The following VAV1 variants were observed in gnomAD, a reference collection of about 807,000 sequenced individuals.
VAV1 encodes the protein proto-oncogene vav.
Under a neutral mutation model 128.1 loss-of-function variants are expected in VAV1, and 33 were observed. The observed-to-expected ratio is 0.26, with a 90% CI of 0.20 to 0.34. VAV1 has a LOEUF of 0.34. VAV1 is among the 10% of genes least tolerant of loss of function. VAV1 has a pLI of 1.00. For missense variants in VAV1, 715 were observed against 1,093.7 expected, an observed-to-expected ratio of 0.65 and a Z score of 4.88; for synonymous variants, 394 against 409.8, an observed-to-expected ratio of 0.96 and a Z score of 0.47.
chr19:6,776,044 T>A (rs1254133900), intron 1 of VAV1, among the ~76,000 whole-genome samples: 1 of 149,876 alleles, frequency 6.7e-6, no homozygotes, highest in Non-Finnish European at 1.5e-5. Context: ...ATCCCTCCAA[T>A]TATCCATCCA....
At chr19:6,810,272 A>C (rs1466376569) in intron 1 of VAV1, among the ~76,000 whole-genome samples, 1 of 151,598 alleles carries the variant, frequency 6.6e-6, no homozygotes. Flanking sequence ...GCCCAATTTC[A>C]AGGCTGCAGA....
intron 1 of VAV1, among the ~76,000 whole-genome samples, chr19:6,790,774 A>G (rs755905909): frequency 1.3e-5 from 2 of 152,220 alleles, no homozygotes; most frequent in African/African-American, 2.4e-5. Context: ...TTTTAATTAT[A>G]TGCAAATCAA....
chr19:6,839,680 A>G (rs1397771329), intron 21 of VAV1, among the ~76,000 whole-genome samples: 1 of 152,170 alleles, frequency 6.6e-6, no homozygotes, highest in Non-Finnish European at 1.5e-5. Flanking sequence ...TATATAGAAC[A>G]TAAAAGTTAA....
At chr19:6,774,249 TCCCGAGTAGCTGGGACTACAGGCG>T (rs1206208039) in intron 1 of VAV1, among the ~76,000 whole-genome samples, 3 of 151,962 alleles carry the variant, frequency 2.0e-5, no homozygotes, top group African/African-American at 7.3e-5. Context: ...TGCCTCAGCC[TCCCGAGTAGCTGGGACTACAGGCG>T]CCCGCCACCA....
chr19:6,838,389 TTCTATCC>T (rs1972281779), intron 21 of VAV1, among the ~76,000 whole-genome samples: 1 of 123,062 alleles, frequency 8.1e-6, no homozygotes, highest in South Asian at 2.9e-4. Flanking sequence ...CAATCAGTTC[TTCTATCC>T]ATCCATCCAT....
At chr19:6,789,186 C>G (rs906081963) in intron 1 of VAV1, among the ~76,000 whole-genome samples, 2 of 152,164 alleles carry the variant, frequency 1.3e-5, no homozygotes, top group Admixed American at 6.5e-5. Context: ...TGGCTGAGAA[C>G]AGCAAAGAAG....
chr19:6,820,858 T>G lies in VAV1; in HGVS notation c.321+40T>G. On this transcript the variant is annotated intron_variant, in intron 2 of 26. Transcript: ENST00000602142. This position sits in a 1 kb window ranked among gnomAD's most constrained non-coding sequence, Gnocchi z 4.4. ...TGAAGCCCAAAGACTGAGTTTCAGT[T>G]AATTTCTATTGACGTCTACACTGGG... 2 of 1,582,702 alleles carry G rather than the reference T, an allele frequency of 1.3e-6. No individual in the cohort carries two copies. The highest frequency in any genetic ancestry group is 2.2e-5 in the South Asian group (2 of 90,444).
intron 19 of VAV1, among the ~76,000 whole-genome samples, chr19:6,835,301 A>T (rs1972194511): frequency 6.6e-6 from 1 of 152,112 alleles, no homozygotes; most frequent in South Asian, 2.1e-4. Context: ...AAATCAATAA[A>T]TCTTAAGTAT....
At chr19:6,843,700 C>T (rs958941229) in intron 22 of VAV1, among the ~76,000 whole-genome samples, 1 of 152,128 alleles carries the variant, frequency 6.6e-6, no homozygotes, top group Admixed American at 6.6e-5. Context: ...TTTTAGGAGG[C>T]GTAAATGAGT....
chr19:6,772,867 C>A lies in VAV1; in HGVS notation c.60C>A (p.Ser20Arg). The A allele has an allele frequency of 6.2e-7, 1 of 1,614,114 alleles. No individual in the cohort carries two copies. Among genetic ancestry groups the A allele is most frequent in the Non-Finnish European group, 8.5e-7 (1 of 1,179,990 alleles). The change falls in exon 1 of 27, where the codon AGC (serine) becomes AGA (arginine). Residue 20 changes from serine (S) to arginine (R), a missense_variant. Around this residue, in one of 3 missense-constraint regions of VAV1, gnomAD observed 302 missense variants for 477.8 expected, o/e 0.63. Transcript: ENST00000602142. This position sits in a 1 kb window ranked among gnomAD's most constrained non-coding sequence, Gnocchi z 4.8. ...TCCAGTGCCGGGTGCTGCCGCCCAG[C>A]CACCGCGTGACCTGGGATGGGGCTC... ...WLIQCRVLPP[S>R]HRVTWDGAQV...
intron 1 of VAV1, among the ~76,000 whole-genome samples, chr19:6,814,564 T>A (rs1297777877): frequency 6.6e-6 from 1 of 152,008 alleles, no homozygotes; most frequent in Non-Finnish European, 1.5e-5. Flanking sequence ...ATCTATATAT[T>A]CTTTGGGAAT....
At chr19:6,814,685 T>TTCCTTCC (rs1568299285) in intron 1 of VAV1, among the ~76,000 whole-genome samples, 1 of 116,820 alleles carries the variant, frequency 8.6e-6, no homozygotes, top group Admixed American at 9.2e-5. Context: ...TCTTTCTTTC[T>TTCCTTCC]TTCTTTCTTT....
chr19:6,806,599 C>A (rs994632042), intron 1 of VAV1, among the ~76,000 whole-genome samples: 3 of 152,198 alleles, frequency 2.0e-5, no homozygotes, highest in African/African-American at 7.2e-5. Context: ...ACCGCCTAAC[C>A]TCACTCTTGA....
Position 6,820,885 on chromosome 19 carries a change from A to C in VAV1, c.321+67A>C. 6.8e-7 allele frequency: 1 copy of C among 1,475,708 alleles called. No individual in the cohort carries two copies. The highest frequency in any genetic ancestry group is 9.5e-7 in the Non-Finnish European group (1 of 1,056,290). 91.4% of individuals were successfully genotyped at this position (1,475,708 alleles called of 1,614,324 possible). On this transcript the variant is annotated intron_variant, in intron 2 of 26. Coordinates refer to ENST00000602142, the MANE Select transcript of VAV1 (RefSeq NM_005428.4). This position sits in a 1 kb window ranked among gnomAD's most constrained non-coding sequence, Gnocchi z 4.4. ...ATTTCTATTGACGTCTACACTGGGCAAGCTAAGGACTGTCAGGGGACAGGC... is the reference window on the plus strand; with the variant it reads ...ATTTCTATTGACGTCTACACTGGGCCAGCTAAGGACTGTCAGGGGACAGGC...
intron 1 of VAV1, among the ~76,000 whole-genome samples, chr19:6,773,985 T>C (rs1362216558): frequency 1.3e-5 from 2 of 151,976 alleles, no homozygotes; most frequent in Non-Finnish European, 2.9e-5. Context: ...TCCCATCTGG[T>C]CCTCAGGCTG....
At chr19:6,776,405 T>TATCCATCCATCC (rs59104898) in intron 1 of VAV1, among the ~76,000 whole-genome samples, 4 of 87,642 alleles carry the variant, frequency 4.6e-5, no homozygotes, top group Middle Eastern at 9.1e-3. Flanking sequence ...CCCACCCATC[T>TATCCATCCATCC]ATCCATCCAT....
intron 1 of VAV1, among the ~76,000 whole-genome samples, chr19:6,787,415 A>G (rs991772911): frequency 2.0e-5 from 3 of 151,886 alleles, no homozygotes; most frequent in Non-Finnish European, 2.9e-5. Flanking sequence ...ACCTCAAGCA[A>G]TCTTCCCCGC....
chr19:6,825,165 G>T, intron 7 of VAV1, 44 bp downstream of exon 7: 1 of 1,596,124 alleles, frequency 6.3e-7, no homozygotes, highest in African/African-American at 1.3e-5. Flanking sequence ...GTCTAGTGCG[G>T]ATAACCTGCT....
chr19:6,794,766 C>T (rs1971093633), intron 1 of VAV1, among the ~76,000 whole-genome samples: 1 of 152,160 alleles, frequency 6.6e-6, no homozygotes, highest in South Asian at 2.1e-4. Context: ...CCACTCCAAA[C>T]TGAGTGATGT....
Sources: gnomAD v4.1 joint callset for allele counts (sites outside exome capture counted in the v4.1 genomes callset) on GRCh38, gnomAD v4.1.1 for gene constraint, gnomAD v4.1.1 regional missense constraint, Gnocchi (gnomAD v3.1) non-coding constraint, MANE v1.5 for transcripts, NCBI Gene and HGNC (gene_info 2026-07-23, HGNC 2026-07-21) for gene names.